SPON1: variants seen among roughly 807,000 people sequenced by gnomAD.
SPON1 encodes the protein spondin 1, also known as spondin-1.
SPON1 carries 52 observed loss-of-function variants against 111.7 expected under a neutral mutation model. The ratio of observed to expected loss-of-function variants is 0.47; its 90% CI spans 0.37 to 0.59. The LOEUF is 0.59. SPON1 is among the 20% of genes least tolerant of loss of function. The pLI, the probability that SPON1 is intolerant of heterozygous loss-of-function variation, is 0.00. For synonymous variants in SPON1, 410 were observed against 395.8 expected (o/e 1.04, Z -0.43); for missense variants, 957 against 1,068.5 (o/e 0.90, Z 1.46).
intron 6 of SPON1, among the ~76,000 whole-genome samples, chr11:14,143,352 A>G (rs1554928993): frequency 6.6e-6 from 1 of 152,152 alleles, no homozygotes; most frequent in Non-Finnish European, 1.5e-5. Context: ...ACTTGAGCTC[A>G]GGAGTTCAAG....
intron 5 of SPON1, among the ~76,000 whole-genome samples, chr11:14,086,649 T>C (rs1849008969): frequency 1.3e-5 from 2 of 152,234 alleles, no homozygotes; most frequent in Non-Finnish European, 2.9e-5. Flanking sequence ...ATTGGGATGA[T>C]GCTGGCCTCA....
At chr11:14,139,559 T>C (rs1247175656) in intron 6 of SPON1, among the ~76,000 whole-genome samples, 2 of 152,172 alleles carry the variant, frequency 1.3e-5, no homozygotes, top group Non-Finnish European at 2.9e-5. Context: ...AATAACTTTA[T>C]AAATATTTAT....
intron 6 of SPON1, among the ~76,000 whole-genome samples, chr11:14,184,729 G>T (rs981913379): frequency 6.6e-6 from 1 of 152,294 alleles, no homozygotes; most frequent in South Asian, 2.1e-4. Flanking sequence ...CTGGGCTGCT[G>T]GCCCTTCCCT....
chr11:14,202,088 A>T (rs1848470711), intron 6 of SPON1, among the ~76,000 whole-genome samples: 1 of 152,204 alleles, frequency 6.6e-6, no homozygotes, highest in Non-Finnish European at 1.5e-5. Context: ...TTAGATTCTA[A>T]TGTGGATTAA....
intron 5 of SPON1, among the ~76,000 whole-genome samples, chr11:14,134,206 G>A (rs1554927806): frequency 6.6e-6 from 1 of 152,148 alleles, no homozygotes; most frequent in African/African-American, 2.4e-5. Context: ...TATTTAACTT[G>A]AGACTTTGTT....
rs530640635 is a variant in SPON1, at chr11:14,019,272, T to TC, written c.346-22248dup. On this transcript the variant is annotated intron_variant, in intron 2 of 15. Transcript: ENST00000576479. ...ATCCCTCTGTGCCTCAGTTCAGTTT[T>TC]CTCACTAATAAGATGGGAATAATGG... Among the ~76,000 whole-genome samples the TC allele has an allele frequency of 4.8e-4, 73 of 152,218 alleles. No homozygotes were observed. The East Asian group carries it at 0.014, about 29-fold the overall frequency.
intron 6 of SPON1, among the ~76,000 whole-genome samples, chr11:14,142,855 C>T (rs1359276963): frequency 6.6e-6 from 1 of 152,212 alleles, no homozygotes; most frequent in Non-Finnish European, 1.5e-5. Context: ...GTGCAGAGTA[C>T]AAAAACCCTC....
At chr11:14,120,083 T>G (rs1291116244) in intron 5 of SPON1, among the ~76,000 whole-genome samples, 1 of 152,182 alleles carries the variant, frequency 6.6e-6, no homozygotes, top group Non-Finnish European at 1.5e-5. Context: ...ATCCTAATCC[T>G]GGCTCTACCA....
intron 7 of SPON1, among the ~76,000 whole-genome samples, chr11:14,249,836 G>C (rs1260283086): frequency 6.6e-6 from 1 of 152,180 alleles, no homozygotes; most frequent in Non-Finnish European, 1.5e-5. Context: ...TAAAACCTTG[G>C]GGTAGGATGA....
At position 14,067,339 on chromosome 11, in the gene SPON1, G is replaced by A. The variant is rs556154530; in HGVS notation, c.480-8006G>A. 1.2e-4 allele frequency among the ~76,000 whole-genome samples: 18 copies of A among 152,268 alleles called. No homozygotes were observed. In the East Asian group the frequency reaches 3.5e-3, roughly 29 times the overall value. ...CCATCAGTTAGGCACACATTTAAGA[G>A]CAGCATTCATTACAAAGGTTGGCTG... On this transcript the variant is annotated intron_variant, in intron 3 of 15. Transcript: ENST00000576479.
At chr11:14,125,198 G>A (rs1847441053) in intron 5 of SPON1, among the ~76,000 whole-genome samples, 1 of 152,210 alleles carries the variant, frequency 6.6e-6, no homozygotes, top group Admixed American at 6.5e-5. Context: ...AATTCAAAGT[G>A]TCAGAAACCA....
rs531671995 is a variant in SPON1 at position 14,139,663 on chromosome 11, C to T, written c.825+4095C>T. ...AGCAGTAATTAAGAAAACTCCTTTC[C>T]TTCATGAGCCTACATCCTAACAGTG... On this transcript the variant is annotated intron_variant, in intron 6 of 15. Coordinates refer to ENST00000576479, the MANE Select transcript of SPON1 (RefSeq NM_006108.4). Among the ~76,000 whole-genome samples, 33 of 151,406 alleles carry T rather than the reference C, an allele frequency of 2.2e-4. No individual in the cohort carries two copies. The East Asian group carries it at 5.6e-3, about 26-fold the overall frequency.
intron 15 of SPON1, among the ~76,000 whole-genome samples, chr11:14,263,954 G>T (rs1425190030): frequency 6.6e-6 from 1 of 151,908 alleles, no homozygotes; most frequent in African/African-American, 2.4e-5. Context: ...ACTTGAACTG[G>T]GGAGGCAGAG....
intron 2 of SPON1, among the ~76,000 whole-genome samples, chr11:13,996,170 T>G (rs1045979988): frequency 6.6e-6 from 1 of 152,212 alleles, no homozygotes; most frequent in Non-Finnish European, 1.5e-5. Flanking sequence ...TAAAAGTTTT[T>G]TTTTTTTAAT....
At chr11:14,147,079 G>C (rs1252776133) in intron 6 of SPON1, among the ~76,000 whole-genome samples, 1 of 134,274 alleles carries the variant, frequency 7.4e-6, no homozygotes, top group Non-Finnish European at 1.5e-5. Context: ...GCCCAGGCTG[G>C]AGTGCAGTGG....
chr11:14,178,513 A>G (rs1848205128), intron 6 of SPON1, among the ~76,000 whole-genome samples: 2 of 152,050 alleles, frequency 1.3e-5, no homozygotes, highest in African/African-American at 4.8e-5. Flanking sequence ...CACTCGCGAG[A>G]TGAGAAAACA....
intron 6 of SPON1, among the ~76,000 whole-genome samples, chr11:14,155,501 T>TATTTC (rs1847834876): frequency 6.6e-6 from 1 of 151,382 alleles, no homozygotes; most frequent in Admixed American, 6.6e-5. Context: ...TATTTATTTT[T>TATTTC]ATTTTATTAT....
chr11:14,232,660 A>G (rs1848815170), intron 6 of SPON1, among the ~76,000 whole-genome samples: 1 of 152,148 alleles, frequency 6.6e-6, no homozygotes, highest in Non-Finnish European at 1.5e-5. Context: ...CTTATCTTCT[A>G]TATTGGATTA....
chr11:14,260,961 C>A (rs965928958), intron 14 of SPON1, among the ~76,000 whole-genome samples: 1 of 152,166 alleles, frequency 6.6e-6, no homozygotes, highest in African/African-American at 2.4e-5. Context: ...CTACAGAACA[C>A]CCAAAGTTAA....
Sources: allele counts gnomAD v4.1 joint callset (sites outside exome capture counted in the v4.1 genomes callset), GRCh38; gene constraint gnomAD v4.1.1; transcripts MANE v1.5; gene names NCBI Gene and HGNC (gene_info 2026-07-23, HGNC 2026-07-21).